The following KNG1 variants were observed in gnomAD, a reference collection of about 807,000 sequenced individuals.
KNG1 encodes the protein kininogen 1.
KNG1 carries 23 observed loss-of-function variants against 47.8 expected under a neutral mutation model. The ratio of observed to expected loss-of-function variants is 0.48; its 90% CI spans 0.35 to 0.68. The LOEUF (loss-of-function observed/expected upper bound fraction) is 0.68, where lower values mean the gene tolerates loss of function less well. Ranked by LOEUF, KNG1 falls within the 30% of genes least tolerant of loss-of-function variation. KNG1 has a pLI of 0.01. For missense variants in KNG1, 762 were observed against 790.2 expected (o/e 0.96, Z 0.43); for synonymous variants, 277 against 277.0 (o/e 1.00, Z 0.00).
rs1720721080 is a variant in KNG1, at chr3:186,738,439, T to G, written c.931-660T>G. On this transcript the variant is annotated intron_variant, in intron 7 of 9. Coordinates refer to ENST00000644859, the MANE Select transcript of KNG1 (RefSeq NM_001102416.3). Reference sequence around the variant, plus strand: ...ACAATAAGGCATATTTAAAAACATTTTAAGTTTTTCTTCCTATTCCTGTTA... The same window carrying G: ...ACAATAAGGCATATTTAAAAACATTGTAAGTTTTTCTTCCTATTCCTGTTA... 2 of 152,288 alleles carry G rather than the reference T, an allele frequency of 1.3e-5. 1 individual carries two copies. The highest frequency in any genetic ancestry group is 4.1e-4 in the South Asian group (2 of 4,834). 9.4% of individuals were successfully genotyped at this position (152,288 alleles called of 1,614,324 possible). A position where few individuals can be genotyped will look rare whatever the true frequency, so the allele number is the denominator to read the frequency against.
chr3:186,732,748 C>T, intron 7 of KNG1, 74 bp downstream of exon 7: 1 of 1,206,096 alleles, frequency 8.3e-7, no homozygotes, highest in Non-Finnish European at 1.2e-6. Context: ...TGCCACTGAT[C>T]TTGGCTCTGG....
intron 5 of KNG1, 22 bp downstream of exon 5, chr3:186,727,366 G>A: frequency 7.1e-6 from 10 of 1,401,696 alleles, no homozygotes; most frequent in Non-Finnish European, 1.0e-5. Context: ...AAAATTTAAT[G>A]ATAAAGTTCT....
At chr3:186,722,655 A>T (rs561146882) in intron 3 of KNG1, 134 bp downstream of exon 3, 2 of 751,776 alleles carry the variant, frequency 2.7e-6, no homozygotes, top group Non-Finnish European at 4.7e-6. Context: ...GTTAGGGAGC[A>T]TTGGGTGGAG....
At chr3:186,720,444 GC>G (rs1720157051) in intron 2 of KNG1, 6 of 558,580 alleles carry the variant, frequency 1.1e-5, no homozygotes, top group African/African-American at 1.9e-5. Context: ...TGAGAAGGGG[GC>G]TCTAGTGTCC....
chr3:186,739,769 T>C (rs773515960), intron 9 of KNG1, among the ~76,000 whole-genome samples: 4 of 152,310 alleles, frequency 2.6e-5, no homozygotes, highest in South Asian at 2.1e-4. Flanking sequence ...GAAAAATGCA[T>C]GGCTGGGCGC....
rs1261302791 is a variant in KNG1 at position 186,739,179 on chromosome 3, C to T, written c.1011C>T (p.Thr337=). 4.3e-6 allele frequency: 7 copies of T among 1,613,902 alleles called. No individual in the cohort carries two copies. The highest frequency in any genetic ancestry group is 4.0e-5 in the African/African-American group (3 of 74,894). The change falls in exon 8 of 10, where the codon ACC becomes ACT. Residue 337 remains threonine, a synonymous_variant. Coordinates refer to ENST00000644859, the MANE Select transcript of KNG1 (RefSeq NM_001102416.3). ...TCSKESNEEL[T]ESCETKKLGQ... is the part of the protein sequence containing the mutation. ...CCAAGGAAAGTAATGAAGAGTTGAC[C>T]GAAAGCTGTGAGACCAAAAAACTTG...
In KNG1 at chr3:186,741,805, G is replaced by A; in HGVS notation, c.1409G>A (p.Gly470Asp). ...GGCCATGGACACGAACAACAGCATG[G>A]TCTTGGTCATGGACATAAGTTCAAA... ...GLGHGHEQQHGLGHGHKFKLD... is the reference protein window; with the variant it reads ...GLGHGHEQQHDLGHGHKFKLD... The change falls in exon 10 of 10, where the codon GGT (glycine) becomes GAT (aspartate). Residue 470 changes from glycine to aspartate, a missense_variant. Physicochemically the swap from Gly to Asp is moderately conservative, Grantham distance 94. Coordinates refer to ENST00000644859, the MANE Select transcript of KNG1 (RefSeq NM_001102416.3). 1 of 1,613,980 alleles carries A rather than the reference G, an allele frequency of 6.2e-7. No homozygotes were observed.
intron 5 of KNG1, among the ~76,000 whole-genome samples, chr3:186,730,655 CAAAAAAA>C (rs869232105): frequency 1.2e-5 from 1 of 80,118 alleles, no homozygotes; most frequent in African/African-American, 5.0e-5. Context: ...GACTCCATCA[CAAAAAAA>C]AAAAAAAAAA....
At chr3:186,740,145 T>A (rs1720771709) in intron 9 of KNG1, among the ~76,000 whole-genome samples, 1 of 152,122 alleles carries the variant, frequency 6.6e-6, no homozygotes, top group South Asian at 2.1e-4. Context: ...TATGCATGAA[T>A]CAAGTTTGAA....
In KNG1 at chr3:186,735,309, C is replaced by T. The variant is rs146399681; in HGVS notation, c.930+2635C>T. Among the ~76,000 whole-genome samples the T allele has an allele frequency of 1.3e-4, 20 of 152,076 alleles. No homozygotes were observed. In the East Asian group the frequency reaches 3.9e-3, roughly 29 times the overall value. Reference sequence around the variant, plus strand: ...GACCAGCTGGAGCAACATAGCAAGACCCTGTCTCTACAAAAAAAGAATTAA... The same window carrying T: ...GACCAGCTGGAGCAACATAGCAAGATCCTGTCTCTACAAAAAAAGAATTAA... On this transcript the variant is annotated intron_variant, in intron 7 of 9. Coordinates refer to ENST00000644859, the MANE Select transcript of KNG1 (RefSeq NM_001102416.3).
At position 186,717,715 on chromosome 3, in the gene KNG1, G is replaced by A. The variant is rs781268489; in HGVS notation, c.173G>A (p.Arg58His). Reference protein sequence around the residue: ...NQSNNQFVLYRITEATKTVGS... With the variant: ...NQSNNQFVLYHITEATKTVGS... Reference sequence around the variant, plus strand: ...AGTAACAACCAGTTTGTATTGTACCGCATAACTGAAGCCACTAAGACGGTG... The same window carrying A: ...AGTAACAACCAGTTTGTATTGTACCACATAACTGAAGCCACTAAGACGGTG... The change falls in exon 1 of 10, where the codon CGC becomes CAC. Residue 58 changes from arginine to histidine, a missense_variant. Transcript: ENST00000644859. The A allele has an allele frequency of 2.2e-5, 36 of 1,612,530 alleles. No individual in the cohort carries two copies. The highest frequency in any genetic ancestry group is 4.5e-5 in the East Asian group (2 of 44,886).
Position 186,738,773 on chromosome 3 carries a change from G to C in KNG1, c.931-326G>C, listed in dbSNP as rs975900158. 3.5e-5 allele frequency: 10 copies of C among 288,242 alleles called. No individual in the cohort carries two copies. The Admixed American group carries it at 5.0e-4, about 14-fold the overall frequency. The allele number at this position is 288,242 out of a possible 1,614,324, so 17.9% of individuals were successfully genotyped here. A position where few individuals can be genotyped will look rare whatever the true frequency, so the allele number is the denominator to read the frequency against. ...AGGCAGGAGAATTGCTTGAATCCAGGAGGCGGAGGTTGTGGTGAGCCGAGA... is the reference window on the plus strand; with the variant it reads ...AGGCAGGAGAATTGCTTGAATCCAGCAGGCGGAGGTTGTGGTGAGCCGAGA... On this transcript the variant is annotated intron_variant, in intron 7 of 9. Coordinates refer to ENST00000644859, the MANE Select transcript of KNG1 (RefSeq NM_001102416.3).
Position 186,741,645 on chromosome 3 carries a change from C to T in KNG1, c.1249C>T (p.Arg417Trp), listed in dbSNP as rs199853757. ...TSMAPAQDEE[R>W]DSGKEQGHTR... ...CATGGCACCTGCACAAGATGAAGAG[C>T]GGGATTCAGGAAAAGAACAAGGGCA... is the stretch of plus-strand genomic sequence containing the variant. Residue 417 changes from arginine to tryptophan, a missense_variant, in exon 10 of 10, where the codon CGG (arginine) becomes TGG (tryptophan). Transcript: ENST00000644859. The T allele has an allele frequency of 2.1e-5, 34 of 1,614,048 alleles. No homozygotes were observed. In the African/African-American group the frequency reaches 3.3e-4, roughly 16 times the overall value.
At chr3:186,725,520 G>C (rs1186224480) in intron 4 of KNG1, among the ~76,000 whole-genome samples, 1 of 145,114 alleles carries the variant, frequency 6.9e-6, no homozygotes, top group Non-Finnish European at 1.5e-5. Flanking sequence ...ACAGTGAAAA[G>C]GAAAAGTCAT....
intron 2 of KNG1, 100 bp downstream of exon 2, chr3:186,720,315 T>A (rs999520474): frequency 2.6e-6 from 2 of 767,930 alleles, no homozygotes; most frequent in Non-Finnish European, 4.6e-6. Flanking sequence ...AGCCTGTTTA[T>A]GAGAAATGCA....
At position 186,742,869 on chromosome 3, in the gene KNG1, G is replaced by C. The variant is rs1255072592; in HGVS notation, c.*538G>C. On this transcript the variant is annotated 3_prime_UTR_variant, in exon 10 of 10. Coordinates refer to ENST00000644859, the MANE Select transcript of KNG1 (RefSeq NM_001102416.3). The stretch of plus-strand genomic sequence containing the variant: ...CCACTGCGCTCCAGCCTGGGCATCA[G>C]AGCAAGATTCTGTCTCAGAAAAAAA... 1 of 958,556 alleles carries C rather than the reference G, an allele frequency of 1.0e-6. No individual in the cohort carries two copies. Among genetic ancestry groups the C allele is most frequent in the Non-Finnish European group, 1.2e-6 (1 of 805,962 alleles). The allele number at this position is 958,556 out of a possible 1,614,324, so 59.4% of individuals were successfully genotyped here.
chr3:186,743,599 A>C lies in KNG1; in HGVS notation c.*1268A>C, dbSNP rs1720868898. 1.9e-5 allele frequency: 15 copies of C among 789,344 alleles called. No individual in the cohort carries two copies. In the East Asian group the frequency reaches 3.4e-4, roughly 18 times the overall value. 48.9% of individuals were successfully genotyped at this position (789,344 alleles called of 1,614,324 possible). A position where few individuals can be genotyped will look rare whatever the true frequency, so the allele number is the denominator to read the frequency against. ...ATATTGTCTGTTCTTTTAAATAAAC[A>C]ACCACAGATGTCAGGAAAAAGTCTT... is the stretch of plus-strand genomic sequence containing the variant. On this transcript the variant is annotated 3_prime_UTR_variant, in exon 10 of 10. Transcript: ENST00000644859.
chr3:186,735,299 C>T (rs760078220), intron 7 of KNG1, among the ~76,000 whole-genome samples: 4 of 152,054 alleles, frequency 2.6e-5, no homozygotes, highest in African/African-American at 9.6e-5. Context: ...GCTGGAGCAA[C>T]ATAGCAAGAC....
intron 7 of KNG1, chr3:186,734,823 G>A (rs373039140): frequency 6.6e-6 from 1 of 152,190 alleles, no homozygotes; most frequent in East Asian, 1.9e-4. Flanking sequence ...GGGCGACAGA[G>A]TCAGACTCCA....
Sources: allele counts gnomAD v4.1 joint callset (sites outside exome capture counted in the v4.1 genomes callset), GRCh38; gene constraint gnomAD v4.1.1; transcripts MANE v1.5; gene names NCBI Gene and HGNC (gene_info 2026-07-23, HGNC 2026-07-21).